Variants in GRIK1 observed in about 807,000 individuals in gnomAD.
GRIK1 encodes glutamate ionotropic receptor kainate type subunit 1, also known as glutamate receptor ionotropic, kainate 1.
Under a neutral mutation model 105.7 loss-of-function variants are expected in GRIK1, and 69 were observed. That is an observed-to-expected ratio of 0.65 (90% CI 0.54 to 0.80). GRIK1 has a LOEUF of 0.80. GRIK1 is among the 30% of genes least tolerant of loss of function. The pLI, the probability that GRIK1 is intolerant of heterozygous loss-of-function variation, is 0.00. For synonymous variants in GRIK1, 438 were observed against 431.3 expected (o/e 1.02, Z -0.19); for missense variants, 1,109 against 1,167.3 (o/e 0.95, Z 0.73).
intron 1 of GRIK1, among the ~76,000 whole-genome samples, chr21:29,926,662 T>G (rs2071382215): frequency 6.6e-6 from 1 of 151,790 alleles, no homozygotes; most frequent in South Asian, 2.1e-4. Flanking sequence ...AGAAATTATA[T>G]ATATATACAC....
intron 1 of GRIK1, among the ~76,000 whole-genome samples, chr21:29,847,907 T>C (rs1456781619): frequency 6.6e-6 from 1 of 151,960 alleles, no homozygotes; most frequent in Non-Finnish European, 1.5e-5. Context: ...TCTTTCTCTC[T>C]CTCTCTCCCT....
At chr21:29,817,930 C>T (rs1164763829) in intron 1 of GRIK1, among the ~76,000 whole-genome samples, 1 of 152,098 alleles carries the variant, frequency 6.6e-6, no homozygotes, top group African/African-American at 2.4e-5. Flanking sequence ...ATTTTGTCCT[C>T]TCCCTATTCC....
intron 1 of GRIK1, among the ~76,000 whole-genome samples, chr21:29,824,681 T>A (rs936827239): frequency 6.6e-6 from 1 of 151,550 alleles, no homozygotes; most frequent in African/African-American, 2.4e-5. Flanking sequence ...GCAGTGAATG[T>A]GGCGAGAAGT....
intron 16 of GRIK1, among the ~76,000 whole-genome samples, chr21:29,552,335 G>A (rs2090149044): frequency 6.6e-6 from 1 of 152,102 alleles, no homozygotes; most frequent in African/African-American, 2.4e-5. Flanking sequence ...CACTAGTGAG[G>A]AATCATCAGA....
In GRIK1 at chr21:29,651,510, C is replaced by T. The variant is rs193279514; in HGVS notation, c.781-219G>A. On this transcript the variant is annotated intron_variant, in intron 5 of 17. Transcript: ENST00000327783. ...TTCATAATTTTAAAATTGCACACCA[C>T]TCTGAGTAGCATGAGGAAATCTTGA... 2.8e-4 allele frequency among the ~76,000 whole-genome samples: 42 copies of T among 152,242 alleles called. No individual in the cohort carries two copies. The East Asian group carries it at 7.7e-3, about 28-fold the overall frequency.
At chr21:29,795,932 G>T (rs466055) in intron 1 of GRIK1, among the ~76,000 whole-genome samples, 122,360 of 152,006 alleles carry the variant, frequency 0.8, 50,080 homozygotes, top group Non-Finnish European at 0.88. Context: ...GTCCAGGGTT[G>T]TCAAAATCAT....
In GRIK1 at chr21:29,939,404, C is replaced by A. The variant is rs1214884120; in HGVS notation, c.97G>T (p.Ala33Ser). Residue 33 changes from alanine to serine, a missense_variant, in exon 1 of 18, where the codon GCC becomes TCC. This residue lies in a region of GRIK1 where 612 missense variants were observed against 586.0 expected (regional missense o/e 1.04). Coordinates refer to ENST00000327783, the MANE Select transcript of GRIK1 (RefSeq NM_001330994.2). ...YFLCYILPQT[A>S]PQVLRIGGIF... ...TCACCGATCCTGAGTACTTGCGGGG[C>A]GGTCTGAGGGAGGATATAGCAGAGG... The A allele has an allele frequency of 5.2e-6, 8 of 1,553,118 alleles. No homozygotes were observed. In the East Asian group the frequency reaches 7.2e-5, roughly 14 times the overall value.
At chr21:29,748,976 G>A (rs1465675375) in intron 1 of GRIK1, 1 of 152,194 alleles carries the variant, frequency 6.6e-6, no homozygotes, top group Non-Finnish European at 1.5e-5. Flanking sequence ...CTTTTGCATA[G>A]CAGAGCTCCG....
At chr21:29,670,966 T>C (rs575730472) in intron 4 of GRIK1, among the ~76,000 whole-genome samples, 2 of 152,334 alleles carry the variant, frequency 1.3e-5, no homozygotes, top group East Asian at 3.9e-4. Context: ...TGGATACTCT[T>C]CTGCCTAGCA....
intron 1 of GRIK1, among the ~76,000 whole-genome samples, chr21:29,818,034 G>A (rs939873559): frequency 6.6e-6 from 1 of 152,046 alleles, no homozygotes; most frequent in African/African-American, 2.4e-5. Context: ...GGATCAGTTA[G>A]GTATTCAACT....
chr21:29,776,542 A>G (rs1434671547), intron 1 of GRIK1, among the ~76,000 whole-genome samples: 1 of 152,250 alleles, frequency 6.6e-6, no homozygotes, highest in Non-Finnish European at 1.5e-5. Context: ...CCCAATTAAA[A>G]TGAGAGAAGA....
intron 7 of GRIK1, among the ~76,000 whole-genome samples, chr21:29,635,543 A>C (rs1334766368): frequency 1.3e-5 from 2 of 152,162 alleles, no homozygotes; most frequent in Non-Finnish European, 2.9e-5. Flanking sequence ...AAGACCAGTG[A>C]CTGATATAAA....
At chr21:29,694,199 A>G in intron 1 of GRIK1, 136 bp from the exon 2 acceptor site, 1 of 605,910 alleles carries the variant, frequency 1.7e-6, no homozygotes, top group Non-Finnish European at 2.8e-6. Flanking sequence ...ATCTCAGCTC[A>G]CTGCAACCTC....
At chr21:29,651,364 G>T (rs2062733211) in intron 5 of GRIK1, 73 bp from the exon 6 acceptor site, 1 of 993,122 alleles carries the variant, frequency 1.0e-6, no homozygotes, top group Admixed American at 2.4e-5. Flanking sequence ...GAATATTAAT[G>T]ATTGTAGCAC....
intron 7 of GRIK1, among the ~76,000 whole-genome samples, chr21:29,625,960 C>A (rs2062119602): frequency 6.6e-6 from 1 of 152,112 alleles, no homozygotes; most frequent in Admixed American, 6.5e-5. Context: ...TAACCCCCAG[C>A]AGCTTAGAAT....
rs557755935 is a variant in GRIK1 at position 29,590,839 on chromosome 21, G to A, written c.1365+273C>T. Among the ~76,000 whole-genome samples, 259 of 152,300 alleles carry A rather than the reference G, an allele frequency of 1.7e-3. 1 individual carries two copies. Among genetic ancestry groups the A allele is most frequent in the African/African-American group, 5.9e-3 (245 of 41,574 alleles). On this transcript the variant is annotated intron_variant, in intron 10 of 17. Transcript: ENST00000327783. ...TCCACATGGTTGAAACCAACTAGCA[G>A]CCAGAGAGCAAGGGAGACCAGCTGG...
intron 4 of GRIK1, among the ~76,000 whole-genome samples, chr21:29,667,489 G>A (rs2063083247): frequency 6.6e-6 from 1 of 152,150 alleles, no homozygotes; most frequent in African/African-American, 2.4e-5. Context: ...GCAAAAGCAT[G>A]CAAATGTTGA....
At position 29,808,266 on chromosome 21, in the gene GRIK1, G is replaced by C. The variant is rs568683618; in HGVS notation, c.119-114203C>G. Among the ~76,000 whole-genome samples, 10 of 152,238 alleles carry C rather than the reference G, an allele frequency of 6.6e-5. No individual in the cohort carries two copies. In the South Asian group the frequency reaches 1.2e-3, roughly 19 times the overall value. On this transcript the variant is annotated intron_variant, in intron 1 of 17. Coordinates refer to ENST00000327783, the MANE Select transcript of GRIK1 (RefSeq NM_001330994.2). ...CCAACCCTTGCAGTTTTGGCTCTCA[G>C]GCACAAGAGCAGGACTCATTGGTGA...
chr21:29,672,255 C>T (rs1218686057), intron 4 of GRIK1, among the ~76,000 whole-genome samples: 1 of 151,952 alleles, frequency 6.6e-6, no homozygotes, highest in Non-Finnish European at 1.5e-5. Flanking sequence ...TGGGGTTTCT[C>T]CATGTTGGTC....
Sources: gnomAD v4.1 joint callset for allele counts (sites outside exome capture counted in the v4.1 genomes callset) on GRCh38, gnomAD v4.1.1 for gene constraint, gnomAD v4.1.1 regional missense constraint, MANE v1.5 for transcripts, NCBI Gene and HGNC (gene_info 2026-07-23, HGNC 2026-07-21) for gene names.